SAMD4B: variants seen among roughly 807,000 people sequenced by gnomAD.
SAMD4B encodes the protein sterile alpha motif domain containing 4B, also known as protein Smaug homolog 2.
In SAMD4B, 5 loss-of-function variants were observed where a neutral mutation model predicts 74.5. The observed-to-expected ratio is 0.07, with a 90% CI of 0.04 to 0.14. The LOEUF is 0.14. Among genes scored for constraint, SAMD4B ranks in the 10% least tolerant of loss-of-function variants. The pLI is 1.00. For missense variants in SAMD4B, 608 were observed against 921.8 expected, an observed-to-expected ratio of 0.66 and a Z score of 4.41; for synonymous variants, 373 against 374.9, an observed-to-expected ratio of 1.00 and a Z score of 0.06.
intron 3 of SAMD4B, among the ~76,000 whole-genome samples, chr19:39,358,405 C>T (rs7253610): frequency 0.091 from 13,802 of 152,124 alleles, 1,589 homozygotes; most frequent in African/African-American, 0.28. Context: ...CTGCGCGCCA[C>T]CACGCCTGGC....
At chr19:39,350,391 G>T (rs1360993713) in intron 1 of SAMD4B, 1 of 152,226 alleles carries the variant, frequency 6.6e-6, no homozygotes, top group Non-Finnish European at 1.5e-5. Flanking sequence ...GACTCCAGAG[G>T]CACTGTTTAT....
intron 4 of SAMD4B, among the ~76,000 whole-genome samples, chr19:39,374,665 C>T (rs2077500690): frequency 6.6e-6 from 1 of 151,972 alleles, no homozygotes; most frequent in African/African-American, 2.4e-5. Flanking sequence ...TGTGGTGAAA[C>T]CCCGCCTCTA....
chr19:39,352,905 C>T (rs963750242), intron 1 of SAMD4B, among the ~76,000 whole-genome samples: 1 of 152,148 alleles, frequency 6.6e-6, no homozygotes, highest in African/African-American at 2.4e-5. Context: ...CCTCCTGTCA[C>T]AAATGTTCCC....
chr19:39,356,721 C>A lies in SAMD4B; in HGVS notation c.-173C>A, dbSNP rs148563048. ...GAGAGGCGTGGCTGGACCAAGACCT[C>A]CCCCCATGTGAGCAGGCTTCCTCCT... On this transcript the variant is annotated 5_prime_UTR_variant, in exon 3 of 14. Transcript: ENST00000610417. 2.3e-5 allele frequency: 13 copies of A among 561,896 alleles called. No homozygotes were observed. The highest frequency in any genetic ancestry group is 9.3e-4 in the Middle Eastern group (2 of 2,158). The allele number at this position is 561,896 out of a possible 1,614,324, so 34.8% of individuals were successfully genotyped here.
At chr19:39,373,202 C>T (rs1253649773) in intron 4 of SAMD4B, among the ~76,000 whole-genome samples, 2 of 152,200 alleles carry the variant, frequency 1.3e-5, no homozygotes, top group Non-Finnish European at 2.9e-5. Context: ...GCTTCAGCTC[C>T]CTGGGCCTTG....
At chr19:39,349,652 A>C (rs1426900013) in intron 1 of SAMD4B, 1 of 152,238 alleles carries the variant, frequency 6.6e-6, no homozygotes, top group African/African-American at 2.4e-5. Flanking sequence ...AGTTAACCCT[A>C]GGTAACTAGC....
rs768082007 is a variant in SAMD4B, at chr19:39,377,756, G to C, written c.1376G>C (p.Ser459Thr). Residue 459 changes from serine (S) to threonine (T), a missense_variant, in exon 8 of 14, where the codon AGT becomes ACT. By Grantham distance (58) the Ser-to-Thr change is moderately conservative. Transcript: ENST00000610417. The part of the protein sequence containing the change: ...PPPAPAPTDG[S>T]EPAPAPVADG... Reference sequence around the variant, plus strand: ...CCAGCTCCAGCTCCCACTGATGGCAGTGAGCCTGCCCCGGCTCCCGTCGCC... The same window carrying C: ...CCAGCTCCAGCTCCCACTGATGGCACTGAGCCTGCCCCGGCTCCCGTCGCC... 13 of 1,614,024 alleles carry C rather than the reference G, an allele frequency of 8.1e-6. No individual in the cohort carries two copies. Among genetic ancestry groups the C allele is most frequent in the Non-Finnish European group, 5.9e-6 (7 of 1,179,990 alleles).
chr19:39,345,698 GTTC>G (rs1186916274), intron 1 of SAMD4B, among the ~76,000 whole-genome samples: 2 of 152,174 alleles, frequency 1.3e-5, no homozygotes, highest in Non-Finnish European at 2.9e-5. Flanking sequence ...GATGTGTCTT[GTTC>G]TTCTCTGAAT....
At chr19:39,388,548 C>T (rs762911147), downstream of SAMD4B, 1 of 1,613,960 alleles carries the variant, frequency 6.2e-7, no homozygotes, top group Non-Finnish European at 8.5e-7. Flanking sequence ...AACTTAACCG[C>T]AACCCACGCA....
intron 3 of SAMD4B, among the ~76,000 whole-genome samples, chr19:39,360,591 G>C (rs2076589219): frequency 6.6e-6 from 1 of 152,166 alleles, no homozygotes; most frequent in Non-Finnish European, 1.5e-5. Flanking sequence ...TTTTCTAGTA[G>C]ACCTGAGGGC....
chr19:39,357,399 G>T (rs948547583), intron 3 of SAMD4B, among the ~76,000 whole-genome samples: 1 of 152,172 alleles, frequency 6.6e-6, no homozygotes, highest in Admixed American at 6.5e-5. Flanking sequence ...ATTATGAAAG[G>T]CGTATAGAAG....
chr19:39,356,442 G>A (rs1291757795), intron 2 of SAMD4B, among the ~76,000 whole-genome samples: 2 of 152,140 alleles, frequency 1.3e-5, no homozygotes, highest in Non-Finnish European at 2.9e-5. Context: ...AGCCAGGTGT[G>A]AGGGCCAACA....
At position 39,376,710 on chromosome 19, in the gene SAMD4B, C is replaced by A; in HGVS notation, c.1023C>A (p.Val341=). The A allele has an allele frequency of 1.2e-6, 2 of 1,614,064 alleles. No homozygotes were observed. Among genetic ancestry groups the A allele is most frequent in the South Asian group, 2.2e-5 (2 of 91,054 alleles). Residue 341 remains valine, a synonymous_variant, in exon 7 of 14, where the codon GTC becomes GTA. Transcript: ENST00000610417. The part of the protein sequence containing the change: ...LTEQHLESQN[V]TKGARHKIAL... ...CCCTTCTGCCCTTATCACAGAACGT[C>A]ACCAAAGGTGCCCGCCACAAGATAG...
At chr19:39,387,586 A>G (rs1181040144), downstream of SAMD4B, among the ~76,000 whole-genome samples, 1 of 152,154 alleles carries the variant, frequency 6.6e-6, no homozygotes, top group African/African-American at 2.4e-5. Context: ...AGTTCTTGTA[A>G]TCTCTGCTTT....
At chr19:39,380,908 G>T in intron 11 of SAMD4B, 82 bp from the exon 12 acceptor site, 1 of 1,529,550 alleles carries the variant, frequency 6.5e-7, no homozygotes. Flanking sequence ...GGGAGTGGGA[G>T]AAGGCCTGTA....
chr19:39,357,941 G>A (rs1490387289), intron 3 of SAMD4B, among the ~76,000 whole-genome samples: 4 of 152,206 alleles, frequency 2.6e-5, no homozygotes, highest in African/African-American at 4.8e-5. Flanking sequence ...TTTACAGCAA[G>A]CCAAGTACTG....
At chr19:39,367,201 C>T (rs1233911885) in intron 3 of SAMD4B, among the ~76,000 whole-genome samples, 1 of 152,198 alleles carries the variant, frequency 6.6e-6, no homozygotes, top group African/African-American at 2.4e-5. Flanking sequence ...TCCTTTTCAT[C>T]ACCCACTCCT....
rs1044751421 is a variant in SAMD4B at position 39,375,173 on chromosome 19, G to C, written c.668-477G>C. ...AGAGGCATGAACCAAGTGGTGGGTT[G>C]TGGGAGAGGAACAGGGGCCAGGTCC... On this transcript the variant is annotated intron_variant, in intron 4 of 13. Transcript: ENST00000610417. The surrounding 1 kb of genome is among the most constrained non-coding windows in gnomAD (Gnocchi z 4.1). Among the ~76,000 whole-genome samples the C allele has an allele frequency of 6.6e-6, 1 of 152,238 alleles. No individual in the cohort carries two copies. The highest frequency in any genetic ancestry group is 1.5e-5 in the Non-Finnish European group (1 of 68,042).
rs772568404 is a variant in SAMD4B, at chr19:39,377,657, C to T, written c.1277C>T (p.Pro426Leu). The change falls in exon 8 of 14, where the codon CCC (proline) becomes CTC (leucine). Residue 426 changes from proline (P) to leucine (L), a missense_variant. Transcript: ENST00000610417. ...CCACCGCTGCCAGGTGCTGAGCCTC[C>T]CCTAGCCCACCCCGGCACAGACAAA... is the stretch of plus-strand genomic sequence containing the variant. Reference protein sequence around the residue: ...GEPPLPGAEPPLAHPGTDKGT... With the variant: ...GEPPLPGAEPLLAHPGTDKGT... 2 of 1,614,084 alleles carry T rather than the reference C, an allele frequency of 1.2e-6. No individual in the cohort carries two copies. Among genetic ancestry groups the T allele is most frequent in the Non-Finnish European group, 1.7e-6 (2 of 1,179,964 alleles).
Sources: gnomAD v4.1 joint callset for allele counts (sites outside exome capture counted in the v4.1 genomes callset) on GRCh38, gnomAD v4.1.1 for gene constraint, Gnocchi (gnomAD v3.1) non-coding constraint, MANE v1.5 for transcripts, NCBI Gene and HGNC (gene_info 2026-07-23, HGNC 2026-07-21) for gene names.